Variants in MIER3 observed in about 807,000 individuals in gnomAD.
MIER3 encodes mesoderm induction early response protein 3.
MIER3 carries 9 observed loss-of-function variants against 63.2 expected under a neutral mutation model. That is an observed-to-expected ratio of 0.14 (90% CI 0.09 to 0.25). The LOEUF is 0.25. Ranked by LOEUF, MIER3 falls within the 10% of genes least tolerant of loss-of-function variation. The pLI is 1.00. For missense variants in MIER3, 512 were observed against 666.2 expected (o/e 0.77, Z 2.55); for synonymous variants, 205 against 224.9 (o/e 0.91, Z 0.79).
intron 3 of MIER3, among the ~76,000 whole-genome samples, chr5:56,941,964 T>C (rs1750661494): frequency 6.6e-6 from 1 of 152,036 alleles, no homozygotes. Flanking sequence ...ATTGCCTAGA[T>C]GGTGGTAACT....
At chr5:56,952,044 G>A (rs933589964) in intron 1 of MIER3, 50 bp downstream of exon 1, 135 of 1,258,024 alleles carry the variant, frequency 1.1e-4, no homozygotes, top group Non-Finnish European at 1.3e-4. Context: ...GCGGGGAGCC[G>A]CCGGGCGCCC....
At chr5:56,943,433 A>AG (rs1750720425) in intron 3 of MIER3, among the ~76,000 whole-genome samples, 1 of 152,100 alleles carries the variant, frequency 6.6e-6, no homozygotes, top group Admixed American at 6.5e-5. Flanking sequence ...CAGGAGGGAA[A>AG]GAATAATATA....
intron 5 of MIER3, among the ~76,000 whole-genome samples, chr5:56,936,109 C>T (rs1457840097): frequency 6.6e-6 from 1 of 151,776 alleles, no homozygotes; most frequent in Non-Finnish European, 1.5e-5. Context: ...CCCAGCTACT[C>T]GGGAGGCTGA....
intron 9 of MIER3, 104 bp from the exon 10 acceptor site, chr5:56,928,965 TCTCTCACACACACACACTCTCTCTCTCA>T (rs1390546361): frequency 7.0e-6 from 3 of 430,636 alleles, no homozygotes; most frequent in African/African-American, 2.1e-5. Context: ...ACTCTCTCTC[TCTCTCACACACACACACTCTCTCTCTCA>T]CACACACACA....
intron 3 of MIER3, among the ~76,000 whole-genome samples, chr5:56,945,073 T>A (rs1750782534): frequency 6.6e-6 from 1 of 152,216 alleles, no homozygotes; most frequent in African/African-American, 2.4e-5. Context: ...GATATTTTAC[T>A]TTCTCATTTG....
intron 8 of MIER3, among the ~76,000 whole-genome samples, chr5:56,931,579 A>G (rs1340518183): frequency 1.3e-5 from 2 of 152,202 alleles, no homozygotes; most frequent in Non-Finnish European, 2.9e-5. Flanking sequence ...TTAAAAAGAA[A>G]AAACCCATAA....
chr5:56,935,335 T>C lies in MIER3; in HGVS notation c.595+93A>G, dbSNP rs1750405213. ...ATGTTTCCCAAATCTATCTATCTAT[T>C]GCCAAGGCTGGTATAAAGCCAGATA... On this transcript the variant is annotated intron_variant, in intron 7 of 12. Coordinates refer to ENST00000381199, the MANE Select transcript of MIER3 (RefSeq NM_001297599.2). The C allele has an allele frequency of 1.1e-5, 10 of 941,274 alleles. No homozygotes were observed. In the East Asian group the frequency reaches 2.6e-4, roughly 24 times the overall value. The allele number at this position is 941,274 out of a possible 1,614,324, so 58.3% of individuals were successfully genotyped here. A position where few individuals can be genotyped will look rare whatever the true frequency, so the allele number is the denominator to read the frequency against.
intron 9 of MIER3, chr5:56,929,098 A>G (rs1053909699): frequency 2.5e-5 from 9 of 359,700 alleles, no homozygotes; most frequent in Non-Finnish European, 4.5e-5. Context: ...ATACAAAAAT[A>G]TAAACACTGC....
In MIER3 at chr5:56,920,165, G is replaced by C. The variant is rs763022794; in HGVS notation, c.*2963C>G. 6.6e-6 allele frequency: 1 copy of C among 152,464 alleles called. No individual in the cohort carries two copies. Among genetic ancestry groups the C allele is most frequent in the Non-Finnish European group, 1.5e-5 (1 of 67,952 alleles). 9.4% of individuals were successfully genotyped at this position (152,464 alleles called of 1,614,324 possible). A position where few individuals can be genotyped will look rare whatever the true frequency, so the allele number is the denominator to read the frequency against. On this transcript the variant is annotated 3_prime_UTR_variant, in exon 13 of 13. Transcript: ENST00000381199. Reference sequence around the variant, plus strand: ...AAAGGAAATGATTGCACAATTCTTTGATCTAATTGTACAAATTTTAGTATT... The same window carrying C: ...AAAGGAAATGATTGCACAATTCTTTCATCTAATTGTACAAATTTTAGTATT...
At chr5:56,947,135 A>G (rs1334114064) in intron 2 of MIER3, 64 bp from the exon 3 acceptor site, 3 of 1,521,672 alleles carry the variant, frequency 2.0e-6, no homozygotes, top group African/African-American at 2.9e-5. Flanking sequence ...GAAAATAAAA[A>G]TTTGTGTTCT....
At chr5:56,938,116 TGAC>T (rs1158385081) in intron 4 of MIER3, among the ~76,000 whole-genome samples, 3 of 152,240 alleles carry the variant, frequency 2.0e-5, no homozygotes, top group African/African-American at 7.2e-5. Context: ...TGAACAGCAC[TGAC>T]TACTGACATA....
intron 4 of MIER3, 120 bp downstream of exon 4, chr5:56,938,763 T>A: frequency 7.5e-7 from 1 of 1,339,850 alleles, no homozygotes; most frequent in Non-Finnish European, 1.0e-6. Flanking sequence ...GCCACCAAAA[T>A]AAGCACAATG....
chr5:56,947,964 G>A (rs1263937396), intron 2 of MIER3, among the ~76,000 whole-genome samples: 3 of 152,242 alleles, frequency 2.0e-5, no homozygotes, highest in African/African-American at 7.2e-5. Flanking sequence ...TTCTCCACTT[G>A]TTTTACTCTA....
chr5:56,942,153 C>A (rs1750667903), intron 3 of MIER3, among the ~76,000 whole-genome samples: 1 of 152,094 alleles, frequency 6.6e-6, no homozygotes, highest in African/African-American at 2.4e-5. Context: ...AGATATAAAT[C>A]TGGCATTCAT....
At position 56,928,828 on chromosome 5, in the gene MIER3, C is replaced by T. The variant is rs765850762; in HGVS notation, c.863G>A (p.Arg288Gln). Residue 288 changes from arginine to glutamine, a missense_variant, in exon 10 of 13, where the codon CGA becomes CAA. By Grantham distance (43) the Arg-to-Gln change is conservative (BLOSUM62 1). Transcript: ENST00000381199. ...AAGCATGAGTGCATGTTCAAAGCTT[C>T]GGCATTCTTCTTCCGTCCATGCAGT... ...GMTAWTEEEC[R>Q]SFEHALMLFG... 26 of 1,613,582 alleles carry T rather than the reference C, an allele frequency of 1.6e-5. No homozygotes were observed. Among genetic ancestry groups the T allele is most frequent in the East Asian group, 2.2e-5 (1 of 44,876 alleles).
intron 2 of MIER3, among the ~76,000 whole-genome samples, chr5:56,949,143 GTCAGGAGTTCAAGA>G (rs1270154735): frequency 1.3e-5 from 2 of 152,090 alleles, no homozygotes; most frequent in African/African-American, 4.8e-5. Context: ...ATCACTTGAG[GTCAGGAGTTCAAGA>G]TCAGCCTAGC....
intron 2 of MIER3, chr5:56,947,290 T>C: frequency 2.2e-6 from 1 of 447,034 alleles, no homozygotes. Context: ...ACAAACACTT[T>C]TATAAGGGGT....
intron 3 of MIER3, 34 bp downstream of exon 3, chr5:56,946,892 T>C: frequency 7.2e-7 from 1 of 1,387,874 alleles, no homozygotes; most frequent in Non-Finnish European, 9.6e-7. Flanking sequence ...TTCAAAATCT[T>C]TGTTAAGTTT....
chr5:56,924,952 C>A (rs1749889298), intron 10 of MIER3, among the ~76,000 whole-genome samples: 1 of 152,212 alleles, frequency 6.6e-6, no homozygotes, highest in Non-Finnish European at 1.5e-5. Flanking sequence ...AACTATAAGT[C>A]TTCGCAGAGA....
Sources: gnomAD v4.1 joint callset for allele counts (sites outside exome capture counted in the v4.1 genomes callset) on GRCh38, gnomAD v4.1.1 for gene constraint, MANE v1.5 for transcripts, NCBI Gene and HGNC (gene_info 2026-07-23, HGNC 2026-07-21) for gene names.